The following SNX29 variants were observed in gnomAD, a reference collection of about 807,000 sequenced individuals.
SNX29 encodes sorting nexin-29.
In SNX29, 78 loss-of-function variants were observed where a neutral mutation model predicts 102.1. The observed-to-expected ratio is 0.76, with a 90% confidence interval of 0.64 to 0.92. The LOEUF is 0.92. Among genes scored for constraint, SNX29 ranks in the 40% least tolerant of loss-of-function variants. The pLI is 0.00. For missense variants in SNX29, 1,280 were observed against 1,061.7 expected (o/e 1.21, Z -2.86); for synonymous variants, 580 against 414.5 (o/e 1.40, Z -4.85).
intron 20 of SNX29, among the ~76,000 whole-genome samples, chr16:12,545,234 C>A (rs983545490): frequency 6.6e-6 from 1 of 152,158 alleles, no homozygotes; most frequent in Non-Finnish European, 1.5e-5. Context: ...AGGGAAAGGG[C>A]CTCTGTTCTC....
At chr16:11,981,805 C>T (rs2055422659) in intron 1 of SNX29, among the ~76,000 whole-genome samples, 1 of 152,056 alleles carries the variant, frequency 6.6e-6, no homozygotes, top group African/African-American at 2.4e-5. Flanking sequence ...GTAGGTAAAC[C>T]TAGTGTGCTG....
intron 19 of SNX29, among the ~76,000 whole-genome samples, chr16:12,486,342 A>G (rs998612926): frequency 1.3e-5 from 2 of 152,146 alleles, no homozygotes; most frequent in Non-Finnish European, 2.9e-5. Flanking sequence ...GCCCCTGTAC[A>G]GTAGCATATT....
intron 19 of SNX29, among the ~76,000 whole-genome samples, chr16:12,488,911 C>T (rs186924818): frequency 5.9e-5 from 9 of 152,250 alleles, no homozygotes; most frequent in Middle Eastern, 3.4e-3. Flanking sequence ...CTAGGTAGAA[C>T]GCATTGGTTT....
chr16:12,054,740 G>A (rs1033514863), intron 8 of SNX29, among the ~76,000 whole-genome samples: 2 of 152,068 alleles, frequency 1.3e-5, no homozygotes, highest in Non-Finnish European at 2.9e-5. Context: ...ATATAAACCT[G>A]TATTTGTATC....
At chr16:12,089,879 C>A in intron 11 of SNX29, 1 of 379,432 alleles carries the variant, frequency 2.6e-6, no homozygotes, top group East Asian at 9.5e-5. Context: ...CTTGTACAGG[C>A]AGTGCTGAGG....
intron 18 of SNX29, among the ~76,000 whole-genome samples, chr16:12,418,433 G>C (rs1201938402): frequency 6.6e-6 from 1 of 152,006 alleles, no homozygotes. Context: ...AAAGGGACCT[G>C]TTCAGTCTGG....
intron 11 of SNX29, among the ~76,000 whole-genome samples, chr16:12,092,997 G>C (rs2052621873): frequency 6.6e-6 from 1 of 152,190 alleles, no homozygotes; most frequent in African/African-American, 2.4e-5. Context: ...GAAAGAGGCA[G>C]AATGGTATTT....
At chr16:11,994,409 C>T (rs1050178439) in intron 1 of SNX29, among the ~76,000 whole-genome samples, 1 of 152,196 alleles carries the variant, frequency 6.6e-6, no homozygotes, top group Admixed American at 6.5e-5. Flanking sequence ...GGTTTGATCG[C>T]TCCTGTGTGG....
intron 14 of SNX29, among the ~76,000 whole-genome samples, chr16:12,247,860 A>T (rs950489288): frequency 6.6e-6 from 1 of 152,224 alleles, no homozygotes; most frequent in Non-Finnish European, 1.5e-5. Flanking sequence ...CTGCAGTTGT[A>T]CAAGAGTGAC....
chr16:12,253,920 A>G (rs140149997), intron 14 of SNX29, among the ~76,000 whole-genome samples: 3,556 of 152,132 alleles, frequency 0.023, 75 homozygotes, highest in South Asian at 0.082. Flanking sequence ...CAGTTGGGGA[A>G]GTGAGAATGG....
chr16:12,337,819 C>G (rs1408853892), intron 15 of SNX29, among the ~76,000 whole-genome samples: 1 of 152,166 alleles, frequency 6.6e-6, no homozygotes, highest in Non-Finnish European at 1.5e-5. Flanking sequence ...AGCATCTTCC[C>G]TCATCATCTC....
At chr16:12,019,247 A>G (rs934237987) in intron 3 of SNX29, among the ~76,000 whole-genome samples, 4 of 152,124 alleles carry the variant, frequency 2.6e-5, no homozygotes, top group East Asian at 1.9e-4. Flanking sequence ...TCGCTCTGTC[A>G]CCCAGGCTGG....
intron 19 of SNX29, among the ~76,000 whole-genome samples, chr16:12,514,648 T>C (rs755097299): frequency 1.3e-5 from 2 of 152,088 alleles, no homozygotes; most frequent in South Asian, 2.1e-4. Context: ...GCAAATCACT[T>C]GAGGCCAGGA....
intron 4 of SNX29, among the ~76,000 whole-genome samples, chr16:12,029,461 C>T (rs1268664150): frequency 6.6e-6 from 1 of 152,122 alleles, no homozygotes; most frequent in Non-Finnish European, 1.5e-5. Flanking sequence ...TTTGTAGCCA[C>T]TGGAAACCCA....
intron 14 of SNX29, among the ~76,000 whole-genome samples, chr16:12,215,490 C>G (rs967958037): frequency 6.6e-6 from 1 of 152,072 alleles, no homozygotes; most frequent in African/African-American, 2.4e-5. Context: ...GTGAGTAATA[C>G]TCTATATCTA....
chr16:12,106,622 T>G (rs2053259261), intron 11 of SNX29, among the ~76,000 whole-genome samples: 1 of 150,122 alleles, frequency 6.7e-6, no homozygotes, highest in African/African-American at 2.5e-5. Flanking sequence ...TACAGGCACG[T>G]GCCACCATGC....
intron 20 of SNX29, among the ~76,000 whole-genome samples, chr16:12,536,239 T>G (rs1301961670): frequency 6.6e-6 from 1 of 152,156 alleles, no homozygotes; most frequent in Non-Finnish European, 1.5e-5. Context: ...TGTTTTTTTC[T>G]TTTTTATGCA....
chr16:12,553,445 A>G (rs969429168), intron 20 of SNX29, among the ~76,000 whole-genome samples: 4 of 152,184 alleles, frequency 2.6e-5, no homozygotes, highest in African/African-American at 9.7e-5. Flanking sequence ...CCTGCTGAGC[A>G]TGGTGTAGAC....
intron 16 of SNX29, among the ~76,000 whole-genome samples, chr16:12,359,272 G>C (rs1004143064): frequency 3.9e-5 from 6 of 152,180 alleles, no homozygotes; most frequent in African/African-American, 1.2e-4. Flanking sequence ...CCAAGAAGTC[G>C]TCTTTGTTGA....
Sources: gnomAD v4.1 joint callset for allele counts (sites outside exome capture counted in the v4.1 genomes callset) on GRCh38, gnomAD v4.1.1 for gene constraint, MANE v1.5 for transcripts, NCBI Gene and HGNC (gene_info 2026-07-23, HGNC 2026-07-21) for gene names.